Variants in TPST1 observed in about 807,000 individuals in gnomAD.
The protein encoded by TPST1 is tyrosylprotein sulfotransferase 1.
A neutral mutation model predicts 34.8 loss-of-function variants in TPST1; 20 were observed. That is an observed-to-expected ratio of 0.57 (90% CI 0.40 to 0.84). TPST1 has a LOEUF of 0.84. Among genes scored for constraint, TPST1 ranks in the 40% least tolerant of loss-of-function variants. The pLI is 0.00. For synonymous variants in TPST1, 152 were observed against 159.4 expected (o/e 0.95, Z 0.35); for missense variants, 353 against 455.5 (o/e 0.78, Z 2.05).
At chr7:66,257,208 T>G (rs1344648782) in intron 2 of TPST1, among the ~76,000 whole-genome samples, 1 of 152,184 alleles carries the variant, frequency 6.6e-6, no homozygotes, top group Non-Finnish European at 1.5e-5. Flanking sequence ...GGATTACAGG[T>G]GTGAGCCACT....
chr7:66,204,019 A>G (rs1789069917), upstream of TPST1, among the ~76,000 whole-genome samples: 1 of 152,042 alleles, frequency 6.6e-6, no homozygotes, highest in Non-Finnish European at 1.5e-5. Flanking sequence ...TCTACTAAAA[A>G]TATAAAAATT....
intron 2 of TPST1, among the ~76,000 whole-genome samples, chr7:66,280,435 G>T (rs1790909760): frequency 1.3e-5 from 2 of 152,186 alleles, no homozygotes; most frequent in African/African-American, 4.8e-5. Context: ...GATATTGTTG[G>T]TGTATGGAAA....
In TPST1 at chr7:66,278,100, CAAAAAAA is replaced by C. The variant is rs35654351; in HGVS notation, c.846-8388_846-8382del. Among the ~76,000 whole-genome samples the C allele has an allele frequency of 2.8e-3, 139 of 50,240 alleles. 1 individual carries two copies. Among genetic ancestry groups the C allele is most frequent in the African/African-American group, 9.2e-3 (123 of 13,378 alleles). The allele number at this position is 50,240 out of a possible 152,430, so 33.0% of individuals were successfully genotyped here. Reference sequence around the variant, plus strand: ...GGGCAACAAGAATGTGACTCCATCTCAAAAAAAAAAAAAAAAAAAAAAAAAAAAATTG... The same window carrying C: ...GGGCAACAAGAATGTGACTCCATCTCAAAAAAAAAAAAAAAAAAAAAATTG... On this transcript the variant is annotated intron_variant, in intron 2 of 5. Coordinates refer to ENST00000304842, the MANE Select transcript of TPST1 (RefSeq NM_003596.4).
At chr7:66,260,881 G>T (rs1377207110) in intron 2 of TPST1, among the ~76,000 whole-genome samples, 1 of 152,146 alleles carries the variant, frequency 6.6e-6, no homozygotes, top group African/African-American at 2.4e-5. Flanking sequence ...TGTCCACTCT[G>T]GGTGGTAAGA....
intron 1 of TPST1, among the ~76,000 whole-genome samples, chr7:66,232,282 A>G (rs1310483301): frequency 7.2e-6 from 1 of 138,488 alleles, no homozygotes; most frequent in Non-Finnish European, 1.5e-5. Context: ...GGCTCACTGT[A>G]GCCTCAACCT....
At chr7:66,273,835 C>T (rs1429038894) in intron 2 of TPST1, among the ~76,000 whole-genome samples, 1 of 151,846 alleles carries the variant, frequency 6.6e-6, no homozygotes, top group African/African-American at 2.4e-5. Flanking sequence ...CAGGGTCTCA[C>T]TCTGTCACCC....
intron 3 of TPST1, among the ~76,000 whole-genome samples, chr7:66,328,910 T>A (rs867038048): frequency 0.013 from 837 of 62,536 alleles, 1 homozygote; most frequent in Non-Finnish European, 0.018. Context: ...ATATATATTT[T>A]TTTTTTTTTT....
chr7:66,231,552 C>G (rs1023541164), intron 1 of TPST1, among the ~76,000 whole-genome samples: 2 of 152,228 alleles, frequency 1.3e-5, no homozygotes, highest in Non-Finnish European at 2.9e-5. Context: ...GCTGGGGGAC[C>G]CAGTACACCC....
chr7:66,328,718 T>C (rs573871895), intron 3 of TPST1, among the ~76,000 whole-genome samples: 8 of 150,728 alleles, frequency 5.3e-5, no homozygotes, highest in Non-Finnish European at 1.2e-4. Context: ...CTAATTTTTG[T>C]ATTTTTAGTA....
chr7:66,275,711 G>A (rs971942004), intron 2 of TPST1, among the ~76,000 whole-genome samples: 1 of 152,138 alleles, frequency 6.6e-6, no homozygotes, highest in South Asian at 2.1e-4. Flanking sequence ...GGTTACCAGG[G>A]CCTGGAGGTT....
chr7:66,223,615 A>G (rs888764091), intron 1 of TPST1, among the ~76,000 whole-genome samples: 1 of 152,192 alleles, frequency 6.6e-6, no homozygotes, highest in Admixed American at 6.5e-5. Flanking sequence ...TGATGAATCT[A>G]AAAGATAAAT....
upstream of TPST1, among the ~76,000 whole-genome samples, chr7:66,202,366 G>C (rs1165038542): frequency 6.6e-6 from 1 of 152,134 alleles, no homozygotes; most frequent in East Asian, 1.9e-4. Context: ...GAGACATCCT[G>C]CCGTATGACA....
Position 66,360,210 on chromosome 7 carries a change from G to A in TPST1, c.*345G>A, listed in dbSNP as rs374333802. On this transcript the variant is annotated 3_prime_UTR_variant, in exon 6 of 6. Transcript: ENST00000304842. ...TTTCAAGGAGAGGGTTTAAAAATGGGATCCTGTAAGCAGACTTGGGCAGTC... is the reference window on the plus strand; with the variant it reads ...TTTCAAGGAGAGGGTTTAAAAATGGAATCCTGTAAGCAGACTTGGGCAGTC... 23 of 309,606 alleles carry A rather than the reference G, an allele frequency of 7.4e-5. No homozygotes were observed. In the East Asian group the frequency reaches 9.7e-4, roughly 13 times the overall value. 19.2% of individuals were successfully genotyped at this position (309,606 alleles called of 1,614,324 possible).
At chr7:66,348,874 T>C (rs557630309) in intron 3 of TPST1, among the ~76,000 whole-genome samples, 2 of 152,218 alleles carry the variant, frequency 1.3e-5, no homozygotes, top group African/African-American at 4.8e-5. Flanking sequence ...GAGCCTTTAT[T>C]TGATATTTTA....
intron 3 of TPST1, among the ~76,000 whole-genome samples, chr7:66,296,622 C>A (rs1791204433): frequency 2.1e-5 from 3 of 141,348 alleles, no homozygotes; most frequent in Non-Finnish European, 4.6e-5. Flanking sequence ...AGAAAAATAA[C>A]ATTTTGACTG....
intron 2 of TPST1, among the ~76,000 whole-genome samples, chr7:66,285,157 G>C (rs1791010397): frequency 6.6e-6 from 1 of 152,034 alleles, no homozygotes; most frequent in Non-Finnish European, 1.5e-5. Context: ...AGAATTTTTT[G>C]GATTTTAGAA....
intron 3 of TPST1, among the ~76,000 whole-genome samples, chr7:66,335,807 C>T (rs1271413309): frequency 1.3e-5 from 2 of 152,068 alleles, no homozygotes; most frequent in Admixed American, 1.3e-4. Context: ...TAAGTAAAGG[C>T]CCGAAATCAC....
intron 4 of TPST1, among the ~76,000 whole-genome samples, chr7:66,355,313 A>C (rs931218470): frequency 4.9e-4 from 65 of 132,484 alleles, no homozygotes; most frequent in African/African-American, 1.7e-3. Flanking sequence ...CTCTACTAAA[A>C]ATACAAAAAA....
intron 2 of TPST1, among the ~76,000 whole-genome samples, chr7:66,252,356 C>T (rs1437946869): frequency 8.0e-6 from 1 of 124,452 alleles, no homozygotes; most frequent in Admixed American, 8.5e-5. Context: ...CCGCGCCCAG[C>T]CTTTTTTTTT....
Sources: allele counts gnomAD v4.1 joint callset (sites outside exome capture counted in the v4.1 genomes callset), GRCh38; gene constraint gnomAD v4.1.1; transcripts MANE v1.5; gene names NCBI Gene and HGNC (gene_info 2026-07-23, HGNC 2026-07-21).